Variants in ZNF704 observed in about 807,000 individuals in gnomAD.
ZNF704 encodes zinc finger protein 704.
ZNF704 carries 10 observed loss-of-function variants against 44.7 expected under a neutral mutation model. That is an observed-to-expected ratio of 0.22 (90% CI 0.14 to 0.38). The LOEUF is 0.38. ZNF704 is among the 10% of genes least tolerant of loss of function. ZNF704 has a pLI of 1.00. For missense variants in ZNF704, 390 were observed against 545.5 expected (o/e 0.71, Z 2.84); for synonymous variants, 211 against 207.6 (o/e 1.02, Z -0.14).
the ZNF704 span, among the ~76,000 whole-genome samples, chr8:80,883,463 G>A: frequency 6.6e-6 from 1 of 152,118 alleles, no homozygotes; most frequent in South Asian, 2.1e-4. Flanking sequence ...GCAGCCACCA[G>A]CCACATGCAG....
chr8:80,700,658 T>G (rs1320568462), intron 2 of ZNF704, among the ~76,000 whole-genome samples: 1 of 152,206 alleles, frequency 6.6e-6, no homozygotes, highest in Non-Finnish European at 1.5e-5. Flanking sequence ...CCACAACCCC[T>G]TCCTCAAAAG....
In ZNF704 at chr8:80,874,086, G is replaced by A. The variant is rs1318346947; in HGVS notation, c.-22+485C>T. Among the ~76,000 whole-genome samples the A allele has an allele frequency of 6.8e-6, 1 of 146,840 alleles. No homozygotes were observed. Among genetic ancestry groups the A allele is most frequent in the Non-Finnish European group, 1.5e-5 (1 of 65,924 alleles). ...GCGGGCCGCGGCGCGGGGCCGGAGA[G>A]TTTGTCACCTCCTCTTCCTCCTCTG... On this transcript the variant is annotated intron_variant, in intron 1 of 8. Transcript: ENST00000327835. The surrounding 1 kb of genome is among the most constrained non-coding windows in gnomAD (Gnocchi z 4.4).
intron 2 of ZNF704, among the ~76,000 whole-genome samples, chr8:80,760,666 A>C (rs1263861891): frequency 6.6e-6 from 1 of 151,632 alleles, no homozygotes; most frequent in African/African-American, 2.4e-5. Context: ...AAAAAAAAAA[A>C]AAAAAAAACC....
chr8:80,789,983 T>C (rs1586029007), intron 2 of ZNF704, among the ~76,000 whole-genome samples: 1 of 152,196 alleles, frequency 6.6e-6, no homozygotes. Flanking sequence ...TTTACAAGTA[T>C]GCGTTTCAGA....
At chr8:80,776,050 T>C (rs1385722371) in intron 2 of ZNF704, among the ~76,000 whole-genome samples, 2 of 152,196 alleles carry the variant, frequency 1.3e-5, no homozygotes, top group Non-Finnish European at 2.9e-5. Flanking sequence ...TCATTTTTAA[T>C]AGCTGCATGA....
chr8:80,680,943 A>C (rs1176982493), intron 4 of ZNF704, among the ~76,000 whole-genome samples: 1 of 152,206 alleles, frequency 6.6e-6, no homozygotes, highest in African/African-American at 2.4e-5. Flanking sequence ...TTAACAAAAC[A>C]GTTCTGTAAA....
chr8:80,736,861 A>T (rs923346753), intron 2 of ZNF704, among the ~76,000 whole-genome samples: 11 of 152,132 alleles, frequency 7.2e-5, no homozygotes, highest in East Asian at 1.9e-4. Flanking sequence ...AAATAAATTT[A>T]AAAAAATTGG....
At chr8:80,783,490 A>C (rs533027015) in intron 2 of ZNF704, among the ~76,000 whole-genome samples, 1 of 152,230 alleles carries the variant, frequency 6.6e-6, no homozygotes, top group South Asian at 2.1e-4. Flanking sequence ...ATGTTCTCCT[A>C]GCAACTGGGG....
intron 1 of ZNF704, among the ~76,000 whole-genome samples, chr8:80,841,485 T>A (rs1808678497): frequency 6.6e-6 from 1 of 152,164 alleles, no homozygotes; most frequent in Non-Finnish European, 1.5e-5. Flanking sequence ...TCTATTGCTA[T>A]CATCATTTTT....
intron 1 of ZNF704, among the ~76,000 whole-genome samples, chr8:80,827,311 C>G (rs1045251735): frequency 1.3e-5 from 2 of 152,146 alleles, no homozygotes; most frequent in Non-Finnish European, 2.9e-5. Context: ...TGAGTGAATT[C>G]CCATTCACAA....
intron 2 of ZNF704, among the ~76,000 whole-genome samples, chr8:80,706,261 G>A (rs1368876115): frequency 2.0e-5 from 3 of 152,052 alleles, no homozygotes; most frequent in African/African-American, 7.2e-5. Flanking sequence ...CATGGTGATA[G>A]CAGTTATTTC....
chr8:80,662,233 A>T (rs1486989944), intron 6 of ZNF704, among the ~76,000 whole-genome samples: 1 of 152,318 alleles, frequency 6.6e-6, no homozygotes, highest in South Asian at 2.1e-4. Flanking sequence ...CAAAGTCTTG[A>T]AGTACATACA....
At chr8:80,833,621 AC>A (rs1295559081) in intron 1 of ZNF704, among the ~76,000 whole-genome samples, 2 of 152,170 alleles carry the variant, frequency 1.3e-5, no homozygotes, top group Non-Finnish European at 2.9e-5. Context: ...GCCCTCTGAA[AC>A]CAATGAAGTT....
chr8:80,665,208 C>T (rs1818171630), intron 5 of ZNF704, 126 bp from the exon 6 acceptor site: 1 of 1,013,086 alleles, frequency 9.9e-7, no homozygotes, highest in Non-Finnish European at 1.4e-6. Flanking sequence ...GCAAACTCTT[C>T]CTTATCCTGC....
chr8:80,818,700 A>G (rs1456917503), intron 2 of ZNF704, among the ~76,000 whole-genome samples: 1 of 152,190 alleles, frequency 6.6e-6, no homozygotes, highest in Non-Finnish European at 1.5e-5. Flanking sequence ...CACAGGGCCA[A>G]TTGTATATAG....
intron 7 of ZNF704, among the ~76,000 whole-genome samples, chr8:80,650,970 A>G (rs912665803): frequency 3.3e-5 from 5 of 152,234 alleles, no homozygotes; most frequent in African/African-American, 1.2e-4. Flanking sequence ...CTGATCTCTC[A>G]GCAGAAACTA....
chr8:80,807,606 T>C (rs1808011966), intron 2 of ZNF704, among the ~76,000 whole-genome samples: 1 of 152,158 alleles, frequency 6.6e-6, no homozygotes, highest in African/African-American at 2.4e-5. Flanking sequence ...CTCGTTTAGC[T>C]TATGAATATG....
At chr8:80,849,636 T>C (rs1047967692) in intron 1 of ZNF704, among the ~76,000 whole-genome samples, 1 of 152,232 alleles carries the variant, frequency 6.6e-6, no homozygotes, top group African/African-American at 2.4e-5. Context: ...TGGAAAGTGG[T>C]GTTCTTTCTA....
chr8:80,746,425 T>C (rs577798555), intron 2 of ZNF704, among the ~76,000 whole-genome samples: 18 of 152,314 alleles, frequency 1.2e-4, no homozygotes, highest in Admixed American at 2.0e-4. Context: ...TCGGACCTAC[T>C]CTGTGCAAAG....
Sources: gnomAD v4.1 joint callset for allele counts (sites outside exome capture counted in the v4.1 genomes callset) on GRCh38, gnomAD v4.1.1 for gene constraint, Gnocchi (gnomAD v3.1) non-coding constraint, MANE v1.5 for transcripts, NCBI Gene and HGNC (gene_info 2026-07-23, HGNC 2026-07-21) for gene names.